Variants in ROBO1 observed in about 807,000 individuals in gnomAD.
ROBO1 encodes the protein roundabout homolog 1.
ROBO1 carries 149 observed loss-of-function variants against 195.9 expected under a neutral mutation model. The observed-to-expected ratio is 0.76, with a 90% CI of 0.67 to 0.87. The LOEUF (loss-of-function observed/expected upper bound fraction) is 0.87. ROBO1 is among the 40% of genes least tolerant of loss of function. The pLI, the probability that ROBO1 is intolerant of heterozygous loss-of-function variation, is 0.00. For synonymous variants in ROBO1, 816 were observed against 733.2 expected (o/e 1.11, Z -1.82); for missense variants, 1,933 against 2,068.3 (o/e 0.93, Z 1.27).
In ROBO1 at chr3:78,916,182, G is replaced by A. The variant is rs556389486; in HGVS notation, c.499+22419C>T. Among the ~76,000 whole-genome samples the A allele has an allele frequency of 1.0e-4, 15 of 150,652 alleles. No individual in the cohort carries two copies. The East Asian group carries it at 2.7e-3, about 27-fold the overall frequency. ...GGAGAATGGCGTGAACCCGGGAGGC[G>A]GAGCTTGCAGTGAGCCGAGATCGCG... On this transcript the variant is annotated intron_variant, in intron 4 of 30. Transcript: ENST00000464233.
intron 2 of ROBO1, among the ~76,000 whole-genome samples, chr3:79,327,366 T>C (rs988450022): frequency 6.6e-6 from 1 of 152,032 alleles, no homozygotes; most frequent in Non-Finnish European, 1.5e-5. Context: ...TGAATATAAA[T>C]TTATTTCCAT....
chr3:79,536,692 A>AT (rs1191329964), intron 2 of ROBO1, among the ~76,000 whole-genome samples: 1 of 152,120 alleles, frequency 6.6e-6, no homozygotes, highest in East Asian at 1.9e-4. Flanking sequence ...ATTTGATATA[A>AT]TTTTTTTCTC....
At position 79,685,334 on chromosome 3, in the gene ROBO1, G is replaced by A. The variant is rs996165886; in HGVS notation, c.-51+82418C>T. On this transcript the variant is annotated intron_variant, in intron 1 of 30. Transcript: ENST00000464233. ...ACTCTCAGGTCTTTTGTAGGCATGT[G>A]CACAGCTCTGAAGATGAGCATGGCC... Among the ~76,000 whole-genome samples the A allele has an allele frequency of 2.6e-5, 4 of 152,100 alleles. No individual in the cohort carries two copies. In the East Asian group the frequency reaches 7.8e-4, roughly 30 times the overall value.
chr3:79,223,748 C>T (rs1031034681), intron 2 of ROBO1, among the ~76,000 whole-genome samples: 1 of 152,086 alleles, frequency 6.6e-6, no homozygotes, highest in African/African-American at 2.4e-5. Context: ...AGGTCTGTAC[C>T]TAAGGCTCAA....
chr3:79,364,509 T>A (rs922539236), intron 2 of ROBO1, among the ~76,000 whole-genome samples: 3 of 152,010 alleles, frequency 2.0e-5, no homozygotes, highest in Non-Finnish European at 4.4e-5. Flanking sequence ...CTAGGTTTTT[T>A]CTCCTTTCCT....
intron 2 of ROBO1, among the ~76,000 whole-genome samples, chr3:79,411,513 C>T (rs930370542): frequency 1.3e-5 from 2 of 152,046 alleles, no homozygotes; most frequent in Non-Finnish European, 2.9e-5. Flanking sequence ...TTTCTTGTTA[C>T]CCTCAGGACA....
At chr3:78,753,311 G>C (rs1379012451) in intron 4 of ROBO1, among the ~76,000 whole-genome samples, 2 of 152,146 alleles carry the variant, frequency 1.3e-5, no homozygotes, top group Non-Finnish European at 2.9e-5. Context: ...ATTACATCCA[G>C]ATTGGGTTCA....
intron 2 of ROBO1, among the ~76,000 whole-genome samples, chr3:79,227,723 C>T (rs1206567322): frequency 2.0e-5 from 3 of 152,322 alleles, no homozygotes; most frequent in Admixed American, 2.0e-4. Flanking sequence ...TATTTGACCT[C>T]ACAGGGTGAA....
intron 2 of ROBO1, among the ~76,000 whole-genome samples, chr3:79,551,884 G>T (rs1380740150): frequency 6.8e-6 from 1 of 147,054 alleles, no homozygotes; most frequent in East Asian, 2.1e-4. Context: ...GCATGGTCAG[G>T]AATTAAAGTA....
chr3:78,621,621 G>A (rs1704462054), intron 26 of ROBO1, among the ~76,000 whole-genome samples: 1 of 152,126 alleles, frequency 6.6e-6, no homozygotes, highest in South Asian at 2.1e-4. Flanking sequence ...CATTCTATTG[G>A]AAAACAAAAA....
intron 2 of ROBO1, among the ~76,000 whole-genome samples, chr3:79,231,606 T>A (rs934135220): frequency 2.6e-5 from 4 of 152,162 alleles, no homozygotes; most frequent in African/African-American, 9.6e-5. Flanking sequence ...GCTTATACAC[T>A]GTTGGTGGGA....
chr3:78,897,616 G>C (rs1477302638), intron 4 of ROBO1, among the ~76,000 whole-genome samples: 2 of 95,874 alleles, frequency 2.1e-5, no homozygotes, highest in Non-Finnish European at 4.1e-5. Context: ...ATTTCTAAAT[G>C]GCTATCAGCC....
intron 4 of ROBO1, among the ~76,000 whole-genome samples, chr3:78,800,030 T>C (rs2084316549): frequency 1.3e-5 from 2 of 152,184 alleles, no homozygotes; most frequent in Non-Finnish European, 2.9e-5. Flanking sequence ...ATTGTATAAT[T>C]GGTTTTAAAG....
chr3:79,286,124 G>A lies in ROBO1; in HGVS notation c.89-160585C>T, dbSNP rs76696008. On this transcript the variant is annotated intron_variant, in intron 2 of 30. Transcript: ENST00000464233. ...ATGAAAGAGTTGAATCAATAAACAC[G>A]TCCCAAAGTAAGTGCTATAAACAAC... Among the ~76,000 whole-genome samples, 1,291 of 152,170 alleles carry A rather than the reference G, an allele frequency of 8.5e-3. 13 individuals carry two copies. The highest frequency in any genetic ancestry group is 0.029 in the African/African-American group (1,221 of 41,518).
At chr3:79,093,019 A>G (rs1403220026) in intron 3 of ROBO1, among the ~76,000 whole-genome samples, 1 of 152,186 alleles carries the variant, frequency 6.6e-6, no homozygotes, top group Middle Eastern at 3.2e-3. Context: ...AAACAAAGTT[A>G]CATGTTACAG....
At chr3:79,686,198 T>C (rs1947107319) in intron 1 of ROBO1, among the ~76,000 whole-genome samples, 1 of 152,160 alleles carries the variant, frequency 6.6e-6, no homozygotes, top group East Asian at 1.9e-4. Flanking sequence ...TCTCAATAAA[T>C]TAGGTATTGA....
chr3:79,275,961 T>C (rs951471222), intron 2 of ROBO1, among the ~76,000 whole-genome samples: 4 of 151,806 alleles, frequency 2.6e-5, no homozygotes, highest in Non-Finnish European at 4.4e-5. Context: ...GAAACACTGA[T>C]GCAAGAAATT....
intron 1 of ROBO1, among the ~76,000 whole-genome samples, chr3:79,620,572 T>G (rs775038728): frequency 2.6e-5 from 4 of 151,924 alleles, no homozygotes; most frequent in Non-Finnish European, 1.5e-5. Context: ...GCTCCCTTAT[T>G]AGGTCATTTT....
chr3:79,499,952 G>C lies in ROBO1; in HGVS notation c.88+89872C>G, dbSNP rs548049895. Among the ~76,000 whole-genome samples, 9 of 151,336 alleles carry C rather than the reference G, an allele frequency of 5.9e-5. No individual in the cohort carries two copies. In the South Asian group the frequency reaches 1.9e-3, roughly 32 times the overall value. On this transcript the variant is annotated intron_variant, in intron 2 of 30. Coordinates refer to ENST00000464233, the MANE Select transcript of ROBO1 (RefSeq NM_002941.4). ...CTCCCGAGTAGCTGGGATTGCAGGC[G>C]TGTGCCAGTATGCCCGGGTAATTTT...
Sources: allele counts gnomAD v4.1 joint callset (sites outside exome capture counted in the v4.1 genomes callset), GRCh38; gene constraint gnomAD v4.1.1; transcripts MANE v1.5; gene names NCBI Gene and HGNC (gene_info 2026-07-23, HGNC 2026-07-21).